The following DMD variants were observed in gnomAD, a reference collection of about 807,000 sequenced individuals.
The protein encoded by DMD is mutant dystrophin.
In DMD, 63 loss-of-function variants were observed where a neutral mutation model predicts 330.1. The ratio of observed to expected loss-of-function variants is 0.19; its 90% CI spans 0.16 to 0.24. DMD has a LOEUF of 0.24. DMD is among the 10% of genes least tolerant of loss of function. The pLI, the probability that DMD is intolerant of heterozygous loss-of-function variation, is 1.00. For missense variants in DMD, 3,344 were observed against 2,684.1 expected, an observed-to-expected ratio of 1.25 and a Z score of -5.43; for synonymous variants, 1,223 against 959.8, an observed-to-expected ratio of 1.27 and a Z score of -5.07.
chrX:31,384,892 C>T (rs1377627244), intron 60 of DMD, among the ~76,000 whole-genome samples: 1 of 112,174 alleles, frequency 8.9e-6, no homozygotes, highest in African/African-American at 3.2e-5. Context: ...CAACGATGTG[C>T]GTAGGATGTC....
intron 71 of DMD, among the ~76,000 whole-genome samples, chrX:31,176,585 C>A (rs966249935): frequency 9.9e-5 from 11 of 111,054 alleles, no homozygotes; most frequent in African/African-American, 3.6e-4. Flanking sequence ...AAATCCATTC[C>A]CTTATCAGGA....
At chrX:33,289,605 T>G (rs1343796732) in intron 1 of DMD, among the ~76,000 whole-genome samples, 1 of 111,813 alleles carries the variant, frequency 8.9e-6, no homozygotes, top group Non-Finnish European at 1.9e-5. Flanking sequence ...ATTCATAATA[T>G]AAGACATTTT....
chrX:31,682,030 G>A (rs756124696), intron 52 of DMD, among the ~76,000 whole-genome samples: 13 of 112,157 alleles, frequency 1.2e-4, no homozygotes, highest in African/African-American at 3.6e-4. Context: ...GCAGTGAGCC[G>A]AGATCATGCC....
At chrX:32,558,214 G>T (rs745399410) in intron 16 of DMD, among the ~76,000 whole-genome samples, 1 of 111,095 alleles carries the variant, frequency 9.0e-6, no homozygotes, top group African/African-American at 3.3e-5. Flanking sequence ...TTGTCTTCTG[G>T]ATTCATATTA....
chrX:33,262,036 A>G (rs1276159642), intron 1 of DMD, among the ~76,000 whole-genome samples: 6 of 111,067 alleles, frequency 5.4e-5, no homozygotes, highest in Non-Finnish European at 9.5e-5. Context: ...TTTAAATAAT[A>G]TGTTTAGAAT....
rs2046012034 is a variant in DMD at position 32,517,869 on chromosome X, A to G, written c.2292+139T>C. The stretch of plus-strand genomic sequence containing the variant: ...AACTTTGATTTTGCTTGCTATCTAA[A>G]ATATATTTTTAAGACATATTAAACA... On this transcript the variant is annotated intron_variant, in intron 18 of 78. Transcript: ENST00000357033. 2.2e-5 allele frequency: 16 copies of G among 719,519 alleles called. No homozygotes were observed. In the South Asian group the frequency reaches 3.5e-4, roughly 16 times the overall value. 59.3% of individuals were successfully genotyped at this position (719,519 alleles called of 1,213,427 possible). A position where few individuals can be genotyped will look rare whatever the true frequency, so the allele number is the denominator to read the frequency against.
At chrX:32,523,932 CTTTTT>C (rs57254581) in intron 17 of DMD, among the ~76,000 whole-genome samples, 40 of 87,419 alleles carry the variant, frequency 4.6e-4, no homozygotes, top group African/African-American at 1.4e-3. Context: ...CAAAAGAAAT[CTTTTT>C]TTTTTTTTTT....
intron 26 of DMD, among the ~76,000 whole-genome samples, chrX:32,453,156 A>T (rs904063632): frequency 2.7e-5 from 3 of 110,815 alleles, no homozygotes; most frequent in Non-Finnish European, 3.8e-5. Context: ...TCATGATTTC[A>T]TTTATTTTTC....
intron 51 of DMD, among the ~76,000 whole-genome samples, chrX:31,760,168 G>A (rs759983403): frequency 8.9e-6 from 1 of 112,170 alleles, no homozygotes; most frequent in Admixed American, 9.5e-5. Context: ...AACACCTGAT[G>A]AACCTGGTTT....
chrX:32,832,428 A>G (rs1039428495), intron 4 of DMD, among the ~76,000 whole-genome samples: 19 of 110,713 alleles, frequency 1.7e-4, no homozygotes, highest in Non-Finnish European at 3.6e-4. Flanking sequence ...TGGTTCTTTC[A>G]TTTCTTTTCA....
intron 1 of DMD, among the ~76,000 whole-genome samples, chrX:33,199,686 G>A (rs921766768): frequency 9.0e-6 from 1 of 111,186 alleles, no homozygotes; most frequent in African/African-American, 3.3e-5. Flanking sequence ...TATGAGAAGA[G>A]AATTATGCTA....
chrX:32,586,861 G>A (rs1305251230), intron 13 of DMD, among the ~76,000 whole-genome samples: 1 of 111,086 alleles, frequency 9.0e-6, no homozygotes, highest in Admixed American at 9.6e-5. Context: ...TACAAAGCAT[G>A]TAAAACTCCT....
intron 42 of DMD, among the ~76,000 whole-genome samples, chrX:32,307,777 G>C (rs1194418044): frequency 9.0e-6 from 1 of 111,338 alleles, no homozygotes; most frequent in Non-Finnish European, 1.9e-5. Context: ...GGCAGGATTT[G>C]ACGGTTTAAC....
intron 1 of DMD, among the ~76,000 whole-genome samples, chrX:33,327,416 T>G (rs1157570836): frequency 8.9e-6 from 1 of 112,043 alleles, no homozygotes; most frequent in Non-Finnish European, 1.9e-5. Context: ...AATTAAAAGA[T>G]TCTTATAATA....
intron 60 of DMD, among the ~76,000 whole-genome samples, chrX:31,363,715 C>G (rs370742446): frequency 6.2e-5 from 7 of 112,092 alleles, no homozygotes; most frequent in African/African-American, 2.3e-4. Context: ...TTCTCAACTT[C>G]AGCATTATTG....
intron 17 of DMD, among the ~76,000 whole-genome samples, chrX:32,521,260 C>T (rs929228795): frequency 6.2e-5 from 7 of 112,084 alleles, no homozygotes; most frequent in African/African-American, 2.3e-4. Flanking sequence ...ACCTCTGCCT[C>T]CCGGGTTCAA....
chrX:33,179,643 G>A (rs1487678907), intron 1 of DMD, among the ~76,000 whole-genome samples: 2 of 105,936 alleles, frequency 1.9e-5, no homozygotes, highest in East Asian at 6.0e-4. Context: ...GCAGTGAGCC[G>A]AGATCGCGCC....
intron 11 of DMD, among the ~76,000 whole-genome samples, chrX:32,617,179 G>A (rs186945687): frequency 9.1e-6 from 1 of 110,398 alleles, no homozygotes; most frequent in East Asian, 2.9e-4. Flanking sequence ...GCATTTGCCA[G>A]GAGTCTCTTA....
At position 32,389,349 on chromosome X, in the gene DMD, C is replaced by G. The variant is rs774427218; in HGVS notation, c.4518+152G>C. ...CAAAAAAGACACACAGAATAGGCCA[C>G]AATACATGTGCCAATTTTTGTTCTC... On this transcript the variant is annotated intron_variant, in intron 32 of 78. Coordinates refer to ENST00000357033, the MANE Select transcript of DMD (RefSeq NM_004006.3). 15 of 582,775 alleles carry G rather than the reference C, an allele frequency of 2.6e-5. No individual in the cohort carries two copies. The East Asian group carries it at 5.5e-4, about 21-fold the overall frequency. 48.0% of individuals were successfully genotyped at this position (582,775 alleles called of 1,213,427 possible).
Sources: gnomAD v4.1 joint callset for allele counts (sites outside exome capture counted in the v4.1 genomes callset) on GRCh38, gnomAD v4.1.1 for gene constraint, MANE v1.5 for transcripts, NCBI Gene and HGNC (gene_info 2026-07-23, HGNC 2026-07-21) for gene names.